Variants in USP49 observed in about 807,000 individuals in gnomAD.
USP49 encodes ubiquitin carboxyl-terminal hydrolase 49.
USP49 carries 24 observed loss-of-function variants against 58.6 expected under a neutral mutation model. That is an observed-to-expected ratio of 0.41 (90% CI 0.30 to 0.58). The LOEUF is 0.58. USP49 is among the 20% of genes least tolerant of loss of function. The pLI is 0.30. For synonymous variants in USP49, 408 were observed against 365.1 expected (o/e 1.12, Z -1.34); for missense variants, 703 against 866.1 (o/e 0.81, Z 2.36).
intron 3 of USP49, among the ~76,000 whole-genome samples, chr6:41,829,051 G>A (rs1208771186): frequency 2.0e-5 from 3 of 151,968 alleles, no homozygotes; most frequent in Non-Finnish European, 4.4e-5. Context: ...ATATTTCCTG[G>A]ATACTTTATA....
intron 7 of USP49, chr6:41,798,349 C>A (rs1273686182): frequency 4.1e-6 from 1 of 243,038 alleles, no homozygotes; most frequent in Non-Finnish European, 8.1e-6. Context: ...TCTTGGCTCA[C>A]TGCAACCTCT....
intron 3 of USP49, among the ~76,000 whole-genome samples, chr6:41,855,476 T>C (rs1003493456): frequency 1.3e-5 from 2 of 151,826 alleles, no homozygotes; most frequent in Admixed American, 6.6e-5. Flanking sequence ...GATCACACCA[T>C]TGCACTCCAG....
rs570223227 is a variant in USP49, at chr6:41,860,805, C to T, written c.-29+10759G>A. ...GATTACAGGTGTGAGCCACCGCGCC[C>T]GGCAGATTATTATTATTATTTTTTA... On this transcript the variant is annotated intron_variant, in intron 3 of 7. Transcript: ENST00000682992. Among the ~76,000 whole-genome samples the T allele has an allele frequency of 6.6e-5, 10 of 152,072 alleles. No individual in the cohort carries two copies. In the East Asian group the frequency reaches 9.7e-4, roughly 15 times the overall value.
chr6:41,844,857 C>T (rs1057147611), intron 3 of USP49, among the ~76,000 whole-genome samples: 1 of 151,950 alleles, frequency 6.6e-6, no homozygotes, highest in African/African-American at 2.4e-5. Flanking sequence ...TATTTTATTG[C>T]GTAAAGTAGC....
rs530699894 is a variant in USP49, at chr6:41,837,896, A to G, written c.-28-30885T>C. Among the ~76,000 whole-genome samples the G allele has an allele frequency of 9.4e-4, 143 of 152,344 alleles. 1 individual carries two copies. Among genetic ancestry groups the G allele is most frequent in the Non-Finnish European group, 1.3e-4 (9 of 68,022 alleles). On this transcript the variant is annotated intron_variant, in intron 3 of 7. Coordinates refer to ENST00000682992, the MANE Select transcript of USP49 (RefSeq NM_001286554.2). ...TCATTAGAGCAATGCAAATAACCAC[A>G]ATGAGATACCATCTCACAGCAGTTA...
At chr6:41,858,592 C>T (rs1774169690) in intron 3 of USP49, among the ~76,000 whole-genome samples, 1 of 152,154 alleles carries the variant, frequency 6.6e-6, no homozygotes, top group East Asian at 1.9e-4. Context: ...CCACATTGGC[C>T]TCCTCACTGT....
At position 41,790,412 on chromosome 6, in the gene USP49, G is replaced by T. The variant is rs978565973; in HGVS notation, c.*6121C>A. 2 of 152,196 alleles carry T rather than the reference G, an allele frequency of 1.3e-5. No homozygotes were observed. Among genetic ancestry groups the T allele is most frequent in the African/African-American group, 4.8e-5 (2 of 41,448 alleles). The allele number at this position is 152,196 out of a possible 1,614,324, so 9.4% of individuals were successfully genotyped here. On this transcript the variant is annotated 3_prime_UTR_variant, in exon 8 of 8. Coordinates refer to ENST00000682992, the MANE Select transcript of USP49 (RefSeq NM_001286554.2). Reference sequence around the variant, plus strand: ...AGGGTTTGGGGGCTCTTTGGAAATGGAGTATGTACGGAACTGGCATGTATA... The same window carrying T: ...AGGGTTTGGGGGCTCTTTGGAAATGTAGTATGTACGGAACTGGCATGTATA...
intron 2 of USP49, among the ~76,000 whole-genome samples, chr6:41,879,503 TCTG>T (rs1208217901): frequency 2.0e-5 from 3 of 151,970 alleles, no homozygotes; most frequent in Non-Finnish European, 2.9e-5. Flanking sequence ...TCAAAGTGCC[TCTG>T]AAAGTGGGGA....
rs147129320 is a variant in USP49 at position 41,795,462 on chromosome 6, C to A, written c.*1071G>T. The A allele has an allele frequency of 6.6e-6, 1 of 152,304 alleles. No homozygotes were observed. Among genetic ancestry groups the A allele is most frequent in the African/African-American group, 2.4e-5 (1 of 41,546 alleles). 9.4% of individuals were successfully genotyped at this position (152,304 alleles called of 1,614,324 possible). The stretch of plus-strand genomic sequence containing the variant: ...GAAACAGGTCAAGGCCATTGGTAAT[C>A]AACTCTTCAGATATGTACGAGGTGG... On this transcript the variant is annotated 3_prime_UTR_variant, in exon 8 of 8. Transcript: ENST00000682992.
At chr6:41,894,416 C>G (rs1774861641) in intron 1 of USP49, 1 of 152,272 alleles carries the variant, frequency 6.6e-6, no homozygotes, top group Non-Finnish European at 1.5e-5. Context: ...CCACCTGGTT[C>G]CAGTCCAGGT....
chr6:41,886,189 G>T (rs563604331), intron 2 of USP49, among the ~76,000 whole-genome samples: 1 of 152,128 alleles, frequency 6.6e-6, no homozygotes, highest in South Asian at 2.1e-4. Flanking sequence ...GCATCCAATT[G>T]ATATAGGTGG....
intron 3 of USP49, among the ~76,000 whole-genome samples, chr6:41,858,650 GT>G (rs143236388): frequency 7.0e-4 from 104 of 148,108 alleles, no homozygotes; most frequent in African/African-American, 2.5e-3. Context: ...GTGCAATTCT[GT>G]TTTTTTTTTC....
intron 2 of USP49, among the ~76,000 whole-genome samples, chr6:41,884,562 T>C (rs187241146): frequency 5.9e-5 from 9 of 151,998 alleles, no homozygotes; most frequent in Non-Finnish European, 1.0e-4. Context: ...GGGAGGAAAA[T>C]AGACATGGGA....
At chr6:41,824,549 A>G (rs191449458) in intron 3 of USP49, among the ~76,000 whole-genome samples, 183 of 152,150 alleles carry the variant, frequency 1.2e-3, no homozygotes, top group African/African-American at 4.3e-3. Context: ...CGTCTCTATT[A>G]AAAAATACAA....
chr6:41,798,693 T>C, intron 7 of USP49, 31 bp downstream of exon 7: 1 of 1,594,700 alleles, frequency 6.3e-7, no homozygotes, highest in Non-Finnish European at 8.6e-7. Context: ...CCTTTCCGTG[T>C]CCCCCACCCC....
chr6:41,807,127 A>T (rs1040276602), intron 3 of USP49, 116 bp from the exon 4 acceptor site: 2 of 1,127,266 alleles, frequency 1.8e-6, no homozygotes, highest in African/African-American at 3.2e-5. Flanking sequence ...TCAACTCTAG[A>T]TTCATTCATT....
At position 41,792,823 on chromosome 6, in the gene USP49, T is replaced by C. The variant is rs926857624; in HGVS notation, c.*3710A>G. The C allele has an allele frequency of 6.6e-6, 1 of 152,258 alleles. No individual in the cohort carries two copies. The highest frequency in any genetic ancestry group is 1.5e-5 in the Non-Finnish European group (1 of 68,050). The allele number at this position is 152,258 out of a possible 1,614,324, so 9.4% of individuals were successfully genotyped here. A position where few individuals can be genotyped will look rare whatever the true frequency, so the allele number is the denominator to read the frequency against. On this transcript the variant is annotated 3_prime_UTR_variant, in exon 8 of 8. Coordinates refer to ENST00000682992, the MANE Select transcript of USP49 (RefSeq NM_001286554.2). ...GAAGAAATCCTTTCCCTTAATCTTT[T>C]CAATTCCATGCAAACCGTAATTGAG...
intron 3 of USP49, among the ~76,000 whole-genome samples, chr6:41,816,598 C>G (rs769310380): frequency 6.6e-6 from 1 of 152,032 alleles, no homozygotes; most frequent in Non-Finnish European, 1.5e-5. Context: ...TATTTTGATA[C>G]TTTTTAAAAA....
At chr6:41,845,948 G>A (rs550879132) in intron 3 of USP49, among the ~76,000 whole-genome samples, 6 of 151,946 alleles carry the variant, frequency 3.9e-5, no homozygotes, top group Non-Finnish European at 5.9e-5. Context: ...TCTTGTCTTC[G>A]CAGCCAAAAG....
Sources: allele counts gnomAD v4.1 joint callset (sites outside exome capture counted in the v4.1 genomes callset), GRCh38; gene constraint gnomAD v4.1.1; transcripts MANE v1.5; gene names NCBI Gene and HGNC (gene_info 2026-07-23, HGNC 2026-07-21).